The following LINGO2 variants were observed in gnomAD, a reference collection of about 807,000 sequenced individuals.
LINGO2 encodes leucine rich repeat and Ig domain containing 2, also known as leucine-rich repeat and immunoglobulin-like domain-containing nogo receptor-interacting protein 2.
A neutral mutation model predicts 30.6 loss-of-function variants in LINGO2; 14 were observed. That is an observed-to-expected ratio of 0.46 (90% CI 0.30 to 0.72). LINGO2 has a LOEUF of 0.72. Ranked by LOEUF, LINGO2 falls within the 30% of genes least tolerant of loss-of-function variation. The pLI, the probability that LINGO2 is intolerant of heterozygous loss-of-function variation, is 0.07. For synonymous variants in LINGO2, 317 were observed against 288.5 expected (o/e 1.10, Z -1.00); for missense variants, 729 against 751.7 (o/e 0.97, Z 0.35).
intron 4 of LINGO2, among the ~76,000 whole-genome samples, chr9:28,267,450 G>T (rs1219677632): frequency 6.6e-6 from 1 of 151,986 alleles, no homozygotes; most frequent in Non-Finnish European, 1.5e-5. Flanking sequence ...TATCTGGGTT[G>T]TAGTTTTCTC....
chr9:28,684,289 G>T, the LINGO2 span, among the ~76,000 whole-genome samples: 2 of 129,502 alleles, frequency 1.5e-5, no homozygotes, highest in South Asian at 5.3e-4. Context: ...CCAGGTTCAC[G>T]CCATTCTCCT....
the LINGO2 span, among the ~76,000 whole-genome samples, chr9:28,896,957 T>C: frequency 6.6e-6 from 1 of 152,068 alleles, no homozygotes; most frequent in African/African-American, 2.4e-5. Context: ...AAATGAGAAA[T>C]CCTGGGAAAC....
At chr9:28,891,415 T>C in the LINGO2 span, among the ~76,000 whole-genome samples, 1 of 151,976 alleles carries the variant, frequency 6.6e-6, no homozygotes, top group South Asian at 2.1e-4. Context: ...AATTGAATGT[T>C]ATAGCCCTGT....
At chr9:29,095,250 G>C in the LINGO2 span, among the ~76,000 whole-genome samples, 1 of 138,862 alleles carries the variant, frequency 7.2e-6, no homozygotes, top group South Asian at 2.3e-4. Context: ...AATTTTCATT[G>C]CCACAGGAGA....
intron 4 of LINGO2, among the ~76,000 whole-genome samples, chr9:28,059,735 T>A (rs1232920387): frequency 6.6e-6 from 1 of 152,178 alleles, no homozygotes; most frequent in Non-Finnish European, 1.5e-5. Context: ...ATAGCCATCA[T>A]GTTGACTTTT....
chr9:28,782,560 G>A, the LINGO2 span, among the ~76,000 whole-genome samples: 27 of 152,190 alleles, frequency 1.8e-4, no homozygotes, highest in Non-Finnish European at 2.9e-4. Flanking sequence ...GATCCACACT[G>A]TATCACAATT....
chr9:28,237,800 G>A (rs1821631958), intron 4 of LINGO2, among the ~76,000 whole-genome samples: 1 of 152,152 alleles, frequency 6.6e-6, no homozygotes, highest in South Asian at 2.1e-4. Flanking sequence ...GTTGCAGTGA[G>A]CCAAGATTGT....
intron 1 of LINGO2, among the ~76,000 whole-genome samples, chr9:28,626,797 A>T (rs1826700025): frequency 6.6e-6 from 1 of 151,132 alleles, no homozygotes; most frequent in Non-Finnish European, 1.5e-5. Context: ...CCCACCTAGT[A>T]AATGTTTTTT....
chr9:28,844,242 G>A, the LINGO2 span, among the ~76,000 whole-genome samples: 1 of 151,738 alleles, frequency 6.6e-6, no homozygotes, highest in Non-Finnish European at 1.5e-5. Flanking sequence ...CACACCTGTT[G>A]TCCTAGCCAT....
At chr9:28,534,558 T>C (rs998526924) in intron 1 of LINGO2, among the ~76,000 whole-genome samples, 1 of 152,178 alleles carries the variant, frequency 6.6e-6, no homozygotes, top group Non-Finnish European at 1.5e-5. Context: ...AACTTGTCAT[T>C]CTTAGCTCAT....
At chr9:29,038,351 T>C in the LINGO2 span, among the ~76,000 whole-genome samples, 4 of 152,072 alleles carry the variant, frequency 2.6e-5, no homozygotes, top group Admixed American at 6.6e-5. Context: ...ACTTATAAGG[T>C]TGATCATCTT....
intron 4 of LINGO2, among the ~76,000 whole-genome samples, chr9:28,186,763 C>T (rs780694054): frequency 8.6e-5 from 13 of 152,016 alleles, no homozygotes; most frequent in Non-Finnish European, 1.5e-4. Context: ...GATGCGAAGG[C>T]CCTGAGGTAG....
chr9:28,110,576 A>G (rs1207843140), intron 4 of LINGO2, among the ~76,000 whole-genome samples: 2 of 152,076 alleles, frequency 1.3e-5, no homozygotes, highest in South Asian at 2.1e-4. Context: ...AAAGTGGGCT[A>G]AGTATATGCA....
chr9:28,824,420 T>C, the LINGO2 span, among the ~76,000 whole-genome samples: 2 of 152,264 alleles, frequency 1.3e-5, no homozygotes, highest in Non-Finnish European at 2.9e-5. Flanking sequence ...CAGCCTCAGA[T>C]GCGGGACAAG....
chr9:28,093,657 A>G (rs1826162912), intron 4 of LINGO2, among the ~76,000 whole-genome samples: 1 of 152,026 alleles, frequency 6.6e-6, no homozygotes, highest in Admixed American at 6.6e-5. Flanking sequence ...TGGCTTTTTA[A>G]AAGCCCCTGC....
chr9:28,553,667 G>C (rs1036625921), intron 1 of LINGO2, among the ~76,000 whole-genome samples: 1 of 151,706 alleles, frequency 6.6e-6, no homozygotes, highest in African/African-American at 2.4e-5. Context: ...GATACTCCTC[G>C]AGAAGAGCAA....
chr9:28,652,286 T>G (rs1324324974), intron 1 of LINGO2, among the ~76,000 whole-genome samples: 2 of 152,088 alleles, frequency 1.3e-5, no homozygotes, highest in East Asian at 3.9e-4. Context: ...TCATAGACTA[T>G]TAATTGTGAT....
chr9:28,807,723 T>G, the LINGO2 span, among the ~76,000 whole-genome samples: 2 of 152,206 alleles, frequency 1.3e-5, no homozygotes, highest in Non-Finnish European at 2.9e-5. Context: ...TAAGAGAGTA[T>G]ATAGGCTAAG....
At chr9:29,023,550 T>C in the LINGO2 span, among the ~76,000 whole-genome samples, 1 of 152,154 alleles carries the variant, frequency 6.6e-6, no homozygotes, top group Admixed American at 6.6e-5. Context: ...AAAATTCAGA[T>C]ACAGTAGTTA....
Sources: gnomAD v4.1 joint callset for allele counts (sites outside exome capture counted in the v4.1 genomes callset) on GRCh38, gnomAD v4.1.1 for gene constraint, MANE v1.5 for transcripts, NCBI Gene and HGNC (gene_info 2026-07-23, HGNC 2026-07-21) for gene names.